CARD14: variants seen among roughly 807,000 people sequenced by gnomAD.
CARD14 encodes caspase recruitment domain-containing protein 14.
CARD14 carries 107 observed loss-of-function variants against 111.5 expected under a neutral mutation model. The ratio of observed to expected loss-of-function variants is 0.96; its 90% CI spans 0.82 to 1.13. The LOEUF (loss-of-function observed/expected upper bound fraction) is 1.13. CARD14 is among the 50% of genes most tolerant of loss of function. The pLI is 0.00. For missense variants in CARD14, 1,322 were observed against 1,362.3 expected (o/e 0.97, Z 0.47); for synonymous variants, 617 against 579.6 (o/e 1.06, Z -0.93).
In CARD14 at chr17:80,181,487, G is replaced by A; in HGVS notation, c.49G>A (p.Glu17Lys). The change falls in exon 5 of 24, where the codon GAG becomes AAG. Residue 17 changes from glutamate to lysine, a missense_variant. Physicochemically the swap from Glu to Lys is moderately conservative, Grantham distance 56. Coordinates refer to ENST00000648509, the MANE Select transcript of CARD14 (RefSeq NM_001366385.1). The stretch of plus-strand genomic sequence containing the variant: ...CTCCGCACTCACGGCACTGGACGAG[G>A]AGACACTGTGGGAGATGATGGAGAG... ...RDSALTALDEETLWEMMESHR... is the reference protein window; with the variant it reads ...RDSALTALDEKTLWEMMESHR... 1.9e-6 allele frequency: 3 copies of A among 1,589,716 alleles called. No individual in the cohort carries two copies. The highest frequency in any genetic ancestry group is 2.6e-6 in the Non-Finnish European group (3 of 1,167,418).
intron 2 of CARD14, among the ~76,000 whole-genome samples, chr17:80,174,636 G>A (rs1275092977): frequency 1.3e-5 from 2 of 152,070 alleles, no homozygotes; most frequent in African/African-American, 4.8e-5. Context: ...TATTTGGCTG[G>A]AAGACTCTAT....
intron 12 of CARD14, among the ~76,000 whole-genome samples, chr17:80,193,420 G>GA (rs1555613301): frequency 2.6e-5 from 3 of 113,750 alleles, no homozygotes; most frequent in African/African-American, 6.3e-5. Context: ...TGGCACACAT[G>GA]GTCCCTGGGA....
chr17:80,204,296 C>A lies in CARD14; in HGVS notation c.2353C>A (p.Arg785Ser). The A allele has an allele frequency of 6.3e-7, 1 of 1,598,110 alleles. No homozygotes were observed. Among genetic ancestry groups the A allele is most frequent in the Non-Finnish European group, 8.6e-7 (1 of 1,168,792 alleles). ...SMDKAKASPLRLSFDRGQLDP... is the reference protein window; with the variant it reads ...SMDKAKASPLSLSFDRGQLDP... ...GGACAAAGCCAAGGCCAGCCCTCTG[C>A]GTTTGTCCTTTGACAGGGGCCAGTT... The change falls in exon 20 of 24, where the codon CGT (arginine) becomes AGT (serine). Residue 785 changes from arginine (R) to serine (S), a missense_variant. By Grantham distance (110) the Arg-to-Ser change is moderately radical. Transcript: ENST00000648509.
intron 7 of CARD14, among the ~76,000 whole-genome samples, chr17:80,185,353 G>T (rs986888919): frequency 2.0e-5 from 3 of 152,040 alleles, no homozygotes; most frequent in Non-Finnish European, 4.4e-5. Flanking sequence ...GCTGGCCAGC[G>T]CTTTGCCTTT....
chr17:80,182,889 C>A lies in CARD14; in HGVS notation c.349+99C>A. On this transcript the variant is annotated intron_variant, in intron 6 of 23. Transcript: ENST00000648509. The surrounding 1 kb of genome is among the most constrained non-coding windows in gnomAD (Gnocchi z 4.7). The stretch of plus-strand genomic sequence containing the variant: ...GCTTACTTGCCGATTTGCCCTACTC[C>A]CCCTTCCCTCCAGGCTGCAGTTCCT... 7.1e-7 allele frequency: 1 copy of A among 1,412,194 alleles called. No individual in the cohort carries two copies. Among genetic ancestry groups the A allele is most frequent in the Non-Finnish European group, 9.8e-7 (1 of 1,018,760 alleles). The allele number at this position is 1,412,194 out of a possible 1,614,324, so 87.5% of individuals were successfully genotyped here.
At chr17:80,204,949 A>AAGCAG (rs1180646804) in intron 20 of CARD14, 86 bp from the exon 21 acceptor site, 28 of 1,210,576 alleles carry the variant, frequency 2.3e-5, no homozygotes, top group Non-Finnish European at 3.2e-5. Context: ...GCAGTGAGCA[A>AAGCAG]AGCAGACCCA....
At chr17:80,183,791 C>T (rs183779811) in intron 6 of CARD14, 122 bp from the exon 7 acceptor site, 2 of 752,794 alleles carry the variant, frequency 2.7e-6, no homozygotes, top group Non-Finnish European at 2.0e-6. Flanking sequence ...CACATGCTCA[C>T]CCGCCCACAT....
rs773869052 is a variant in CARD14, at chr17:80,205,645, T to C, written c.2684T>C (p.Met895Thr). Residue 895 changes from methionine (M) to threonine (T), a missense_variant, in exon 22 of 24, where the codon ATG becomes ACG. Coordinates refer to ENST00000648509, the MANE Select transcript of CARD14 (RefSeq NM_001366385.1). ...WVTRHAVESL[M>T]EKNTHALLDV... ...ACCCGCCATGCTGTGGAGTCCCTCATGGAAAAGGTGAGGTCAAGGGCGGGG... is the reference window on the plus strand; with the variant it reads ...ACCCGCCATGCTGTGGAGTCCCTCACGGAAAAGGTGAGGTCAAGGGCGGGG... 5.2e-6 allele frequency: 8 copies of C among 1,543,590 alleles called. No homozygotes were observed. Among genetic ancestry groups the C allele is most frequent in the Admixed American group, 1.9e-5 (1 of 52,014 alleles).
intron 21 of CARD14, 65 bp downstream of exon 21, chr17:80,205,270 C>G: frequency 2.2e-6 from 3 of 1,370,644 alleles, no homozygotes; most frequent in East Asian, 4.7e-5. Context: ...TCCCCTTCCT[C>G]CCTCCTTCCT....
Position 80,208,125 on chromosome 17 carries a change from C to A in CARD14, c.2808-13C>A. 1 of 1,512,194 alleles carries A rather than the reference C, an allele frequency of 6.6e-7. No homozygotes were observed. The highest frequency in any genetic ancestry group is 8.9e-7 in the Non-Finnish European group (1 of 1,120,460). 93.7% of individuals were successfully genotyped at this position (1,512,194 alleles called of 1,614,324 possible). ...TCCCCTGAGCCCGCCCCCCCCAACT[C>A]TGGCCTGTGCAGGAAGGGCCTACAG... On this transcript the variant is annotated splice_polypyrimidine_tract_variant and intron_variant, in intron 23 of 23. Transcript: ENST00000648509.
intron 16 of CARD14, among the ~76,000 whole-genome samples, chr17:80,199,882 G>GA (rs1012836534): frequency 7.9e-5 from 12 of 151,640 alleles, no homozygotes; most frequent in African/African-American, 2.7e-4. Flanking sequence ...TCTCAAAAAA[G>GA]AAAAAAAGAA....
At chr17:80,184,795 C>T (rs1453275614) in intron 7 of CARD14, among the ~76,000 whole-genome samples, 1 of 95,228 alleles carries the variant, frequency 1.1e-5, no homozygotes, top group Non-Finnish European at 2.1e-5. Flanking sequence ...TCTCTGTCGT[C>T]CTCCTTTGTC....
At chr17:80,204,956 C>A in intron 20 of CARD14, 79 bp from the exon 21 acceptor site, 2 of 1,286,790 alleles carry the variant, frequency 1.6e-6, no homozygotes, top group Non-Finnish European at 2.1e-6. Flanking sequence ...GCAAAGCAGA[C>A]CCAGTCCCTC....
Position 80,194,233 on chromosome 17 carries a change from C to T in CARD14, c.1357-958C>T, listed in dbSNP as rs117874727. ...CCTGGCCTCCCTGCCCTGCCCATGT[C>T]GCCCACAGCCCTGGAATGCCTCACT... On this transcript the variant is annotated intron_variant, in intron 12 of 23. Coordinates refer to ENST00000648509, the MANE Select transcript of CARD14 (RefSeq NM_001366385.1). Among the ~76,000 whole-genome samples the T allele has an allele frequency of 6.8e-3, 1,031 of 152,288 alleles. 7 individuals carry two copies. The highest frequency in any genetic ancestry group is 0.011 in the Non-Finnish European group (765 of 68,024).
rs145367674 is a variant in CARD14 at position 80,189,762 on chromosome 17, G to C, written c.853G>C (p.Asp285His). 6.3e-7 allele frequency: 1 copy of C among 1,580,600 alleles called. No homozygotes were observed. The highest frequency in any genetic ancestry group is 8.6e-7 in the Non-Finnish European group (1 of 1,167,416). The change falls in exon 9 of 24, where the codon GAC becomes CAC. Residue 285 changes from aspartate to histidine, a missense_variant. Coordinates refer to ENST00000648509, the MANE Select transcript of CARD14 (RefSeq NM_001366385.1). The surrounding 1 kb of genome is among the most constrained non-coding windows in gnomAD (Gnocchi z 4.7). ...RSLTFSLAEK[D>H]ILEQSLDEAR... The stretch of plus-strand genomic sequence containing the variant: ...CCTCTCTCTGCCCCAGGCGGAGAAG[G>C]ACATTCTGGAGCAGAGCCTGGACGA...
intron 10 of CARD14, 116 bp downstream of exon 10, chr17:80,191,015 A>G: frequency 7.1e-7 from 1 of 1,410,276 alleles, no homozygotes; most frequent in Non-Finnish European, 9.6e-7. Context: ...CCCAGATTTC[A>G]GGGTCTCTTT....
rs374567999 is a variant in CARD14, at chr17:80,190,791, A to G, written c.981A>G (p.Glu327=). The G allele has an allele frequency of 2.5e-6, 4 of 1,614,166 alleles. No homozygotes were observed. Among genetic ancestry groups the G allele is most frequent in the Non-Finnish European group, 2.5e-6 (3 of 1,180,022 alleles). ...CTGTCCAGTACTGGGAAGAGAAGGA[A>G]CAGACCCTGCTGCAGTTCCAGAAGA... The part of the protein sequence containing the change: ...RQREQYWEEK[E]QTLLQFQKSK... Residue 327 remains glutamate (E), a synonymous_variant, in exon 10 of 24, where the codon GAA becomes GAG. Transcript: ENST00000648509.
In CARD14 at chr17:80,198,224, G is replaced by A. The variant is rs2040789146; in HGVS notation, c.1658+62G>A. 5.0e-6 allele frequency: 8 copies of A among 1,595,188 alleles called. No individual in the cohort carries two copies. The highest frequency in any genetic ancestry group is 1.7e-5 in the Admixed American group (1 of 59,966). On this transcript the variant is annotated intron_variant, in intron 15 of 23. Transcript: ENST00000648509. The surrounding 1 kb of genome is among the most constrained non-coding windows in gnomAD (Gnocchi z 7.5). ...GGAACCAGGGCCAGGGAGTGGCAGA[G>A]CAGAGGGTGAGTGTCCTATTACCAA...
rs770747080 is a variant in CARD14 at position 80,198,599 on chromosome 17, G to A, written c.1851+8G>A. 15 of 1,611,186 alleles carry A rather than the reference G, an allele frequency of 9.3e-6. No individual in the cohort carries two copies. Among genetic ancestry groups the A allele is most frequent in the East Asian group, 4.5e-5 (2 of 44,866 alleles). On this transcript the variant is annotated splice_region_variant and intron_variant, in intron 16 of 23. Transcript: ENST00000648509. This position sits in a 1 kb window ranked among gnomAD's most constrained non-coding sequence, Gnocchi z 7.5. ...GGCACCCAGATTGTGATGGTGAGCC[G>A]TGCGAGGCCCCTCCTGTCCCCCGGG...
Sources: allele counts gnomAD v4.1 joint callset (sites outside exome capture counted in the v4.1 genomes callset), GRCh38; gene constraint gnomAD v4.1.1; non-coding constraint Gnocchi (gnomAD v3.1); transcripts MANE v1.5; gene names NCBI Gene and HGNC (gene_info 2026-07-23, HGNC 2026-07-21).